The following HERC2 variants were observed in gnomAD, a reference collection of about 807,000 sequenced individuals.
HERC2 encodes the protein HECT and RLD domain containing E3 ubiquitin protein ligase 2.
HERC2 carries 102 observed loss-of-function variants against 537.7 expected under a neutral mutation model. The ratio of observed to expected loss-of-function variants is 0.19; its 90% CI spans 0.16 to 0.22. HERC2 has a LOEUF of 0.22. Among genes scored for constraint, HERC2 ranks in the 10% least tolerant of loss-of-function variants. HERC2 has a pLI of 1.00. For synonymous variants in HERC2, 2,224 were observed against 2,466.2 expected (o/e 0.90, Z 2.91); for missense variants, 4,236 against 6,198.2 (o/e 0.68, Z 10.63).
Position 28,254,370 on chromosome 15 carries a change from G to A in HERC2, c.3020C>T (p.Pro1007Leu). 6.2e-7 allele frequency: 1 copy of A among 1,606,332 alleles called. No homozygotes were observed. Among genetic ancestry groups the A allele is most frequent in the African/African-American group, 1.3e-5 (1 of 74,656 alleles). The change falls in exon 20 of 93, where the codon CCT becomes CTT. Residue 1007 changes from proline to leucine, a missense_variant. Transcript: ENST00000261609. Reference sequence around the variant, plus strand: ...AAGCTGTTGTATGAGCTGAACCAGAGGCAAACACTGTTTGCCAGAAGACTC... The same window carrying A: ...AAGCTGTTGTATGAGCTGAACCAGAAGCAAACACTGTTTGCCAGAAGACTC... ...ICESSGKQCL[P>L]LVQLIQQLLR...
intron 48 of HERC2, among the ~76,000 whole-genome samples, 158 bp downstream of exon 48, chr15:28,201,298 G>A (rs928050233): frequency 2.0e-5 from 3 of 152,242 alleles, no homozygotes; most frequent in South Asian, 2.1e-4. Context: ...ACCTTCTAGC[G>A]TACCATGAGC....
At chr15:28,157,430 C>T (rs1355694847) in intron 69 of HERC2, among the ~76,000 whole-genome samples, 3 of 152,116 alleles carry the variant, frequency 2.0e-5, no homozygotes, top group African/African-American at 7.2e-5. Flanking sequence ...GAGCCTGTTA[C>T]TGGTCTATTC....
chr15:28,164,038 GA>G (rs1893884862), intron 68 of HERC2, among the ~76,000 whole-genome samples: 1 of 152,176 alleles, frequency 6.6e-6, no homozygotes, highest in African/African-American at 2.4e-5. Flanking sequence ...TGAGCTTGTG[GA>G]AACGGGAAAG....
intron 70 of HERC2, among the ~76,000 whole-genome samples, chr15:28,148,039 A>G (rs1358612599): frequency 2.7e-5 from 4 of 146,744 alleles, no homozygotes; most frequent in South Asian, 2.1e-4. Context: ...TGTGTCTCCA[A>G]AAAAAAAAAA....
rs537453776 is a variant in HERC2, at chr15:28,125,641, C to A, written c.12803-448G>T. On this transcript the variant is annotated intron_variant, in intron 83 of 92. Coordinates refer to ENST00000261609, the MANE Select transcript of HERC2 (RefSeq NM_004667.6). Reference sequence around the variant, plus strand: ...TAACATTCCAAATTGCTCTTGCATGCGAAACAGAAAAGAAAAAGTCTGTTT... The same window carrying A: ...TAACATTCCAAATTGCTCTTGCATGAGAAACAGAAAAGAAAAAGTCTGTTT... 2.6e-5 allele frequency among the ~76,000 whole-genome samples: 4 copies of A among 152,144 alleles called. No individual in the cohort carries two copies. The East Asian group carries it at 7.7e-4, about 29-fold the overall frequency.
At chr15:28,138,127 A>T (rs1451141302) in intron 78 of HERC2, among the ~76,000 whole-genome samples, 2 of 152,202 alleles carry the variant, frequency 1.3e-5, no homozygotes, top group Non-Finnish European at 2.9e-5. Context: ...GGTAACAGAG[A>T]TTGGTTCCTG....
intron 70 of HERC2, among the ~76,000 whole-genome samples, chr15:28,151,881 G>C (rs1892491878): frequency 6.6e-6 from 1 of 152,170 alleles, no homozygotes; most frequent in Non-Finnish European, 1.5e-5. Context: ...ACAGCACCTT[G>C]AACAACTAAC....
At chr15:28,307,732 T>C (rs1266330563) in intron 2 of HERC2, among the ~76,000 whole-genome samples, 4 of 152,220 alleles carry the variant, frequency 2.6e-5, no homozygotes, top group African/African-American at 9.6e-5. Flanking sequence ...TTAACTTTTA[T>C]ATGGCAAAAG....
intron 78 of HERC2, among the ~76,000 whole-genome samples, chr15:28,140,767 C>T (rs570462923): frequency 4.0e-5 from 6 of 151,524 alleles, no homozygotes; most frequent in Non-Finnish European, 8.8e-5. Context: ...GGTGATCCAC[C>T]CACCTTGGGC....
intron 15 of HERC2, 73 bp from the exon 16 acceptor site, chr15:28,261,043 C>T: frequency 2.6e-6 from 3 of 1,135,016 alleles, no homozygotes; most frequent in Middle Eastern, 2.7e-4. Flanking sequence ...TTTCCTAGGC[C>T]ATTCAGGTCA....
At chr15:28,266,469 C>T (rs1247995556) in intron 12 of HERC2, among the ~76,000 whole-genome samples, 3 of 151,954 alleles carry the variant, frequency 2.0e-5, no homozygotes, top group Non-Finnish European at 2.9e-5. Flanking sequence ...GAGGTGAGAT[C>T]GCCCCATTGC....
At chr15:28,251,279 C>T (rs1278076503) in intron 20 of HERC2, among the ~76,000 whole-genome samples, 4 of 151,040 alleles carry the variant, frequency 2.6e-5, no homozygotes, top group Non-Finnish European at 4.4e-5. Flanking sequence ...CCCATCTCTA[C>T]TAAAAATACA....
chr15:28,243,873 G>T (rs1324279524), intron 23 of HERC2, among the ~76,000 whole-genome samples: 1 of 152,198 alleles, frequency 6.6e-6, no homozygotes, highest in Non-Finnish European at 1.5e-5. Flanking sequence ...CAGAAAGAAT[G>T]ATTAAAGAAA....
chr15:28,178,299 C>T (rs922172833), intron 59 of HERC2, among the ~76,000 whole-genome samples: 1 of 152,180 alleles, frequency 6.6e-6, no homozygotes, highest in African/African-American at 2.4e-5. Context: ...ACTCTGGGGG[C>T]GAGAGCTAGT....
intron 38 of HERC2, among the ~76,000 whole-genome samples, chr15:28,217,956 T>G (rs1202672263): frequency 6.6e-6 from 1 of 152,014 alleles, no homozygotes; most frequent in Non-Finnish European, 1.5e-5. Context: ...TCCAGAACTC[T>G]GAGAGAACAA....
At chr15:28,225,696 C>CAAAAAAAAAAAAAAAAA (rs35629645) in intron 35 of HERC2, among the ~76,000 whole-genome samples, 1 of 58,810 alleles carries the variant, frequency 1.7e-5, no homozygotes, top group Admixed American at 1.8e-4. Context: ...GACTCCGTCT[C>CAAAAAAAAAAAAAAAAA]AAAAAAAAAA....
intron 57 of HERC2, among the ~76,000 whole-genome samples, chr15:28,180,937 C>T (rs1349449146): frequency 1.3e-5 from 2 of 152,090 alleles, no homozygotes; most frequent in Non-Finnish European, 2.9e-5. Context: ...ACTTGAGCAT[C>T]CACAGATCTT....
chr15:28,228,115 T>C (rs1901416315), intron 35 of HERC2, 103 bp downstream of exon 35: 2 of 1,041,106 alleles, frequency 1.9e-6, no homozygotes, highest in Admixed American at 5.1e-5. Flanking sequence ...CTTACCATAA[T>C]TTACAAAAAG....
intron 43 of HERC2, among the ~76,000 whole-genome samples, chr15:28,212,200 C>A (rs565052062): frequency 6.6e-6 from 1 of 152,246 alleles, no homozygotes; most frequent in Admixed American, 6.5e-5. Flanking sequence ...AAGGGTGACA[C>A]GGAGAAGAGG....
Sources: allele counts gnomAD v4.1 joint callset (sites outside exome capture counted in the v4.1 genomes callset), GRCh38; gene constraint gnomAD v4.1.1; transcripts MANE v1.5; gene names NCBI Gene and HGNC (gene_info 2026-07-23, HGNC 2026-07-21).